The following CHCHD3 variants were observed in gnomAD, a reference collection of about 807,000 sequenced individuals.
CHCHD3 encodes MICOS complex subunit MIC19.
CHCHD3 carries 20 observed loss-of-function variants against 38.2 expected under a neutral mutation model. The ratio of observed to expected loss-of-function variants is 0.52; its 90% CI spans 0.37 to 0.76. The LOEUF (loss-of-function observed/expected upper bound fraction) is 0.76, where lower values mean the gene tolerates loss of function less well. Ranked by LOEUF, CHCHD3 falls within the 30% of genes least tolerant of loss-of-function variation. The pLI is 0.00. For missense variants in CHCHD3, 245 were observed against 279.2 expected (o/e 0.88, Z 0.87); for synonymous variants, 82 against 100.0 (o/e 0.82, Z 1.07).
At chr7:132,799,477 A>C (rs1806726387) in intron 6 of CHCHD3, among the ~76,000 whole-genome samples, 1 of 152,208 alleles carries the variant, frequency 6.6e-6, no homozygotes, top group Admixed American at 6.5e-5. Context: ...AAATAATGAA[A>C]GGCAGACTTT....
Position 132,820,636 on chromosome 7 carries a change from T to TA in CHCHD3, c.524+17762dup, listed in dbSNP as rs1045185665. Reference sequence around the variant, plus strand: ...GTTTTTTTTTTTTTTTTTTTTTTTTTATTGCCCCTAACATCTAGTCTTCTT... The same window carrying TA: ...GTTTTTTTTTTTTTTTTTTTTTTTTTAATTGCCCCTAACATCTAGTCTTCTT... On this transcript the variant is annotated intron_variant, in intron 6 of 7. Transcript: ENST00000262570. Among the ~76,000 whole-genome samples the TA allele has an allele frequency of 2.2e-4, 30 of 135,718 alleles. 2 individuals are homozygous for TA. Among genetic ancestry groups the TA allele is most frequent in the Admixed American group, 5.2e-4 (7 of 13,558 alleles). The allele number at this position is 135,718 out of a possible 152,430, so 89.0% of individuals were successfully genotyped here.
chr7:132,803,906 AG>A (rs1221143253), intron 6 of CHCHD3, among the ~76,000 whole-genome samples: 11 of 149,584 alleles, frequency 7.4e-5, no homozygotes. Context: ...ATGACGAGGG[AG>A]AGAAATGGGG....
chr7:133,066,491 G>C (rs568792958), intron 2 of CHCHD3, among the ~76,000 whole-genome samples: 1 of 151,990 alleles, frequency 6.6e-6, no homozygotes, highest in Non-Finnish European at 1.5e-5. Flanking sequence ...CTGACCTCAG[G>C]TGATCCTCCC....
chr7:132,892,281 G>A (rs542215331), intron 4 of CHCHD3, among the ~76,000 whole-genome samples: 4 of 152,338 alleles, frequency 2.6e-5, no homozygotes, highest in African/African-American at 9.6e-5. Flanking sequence ...TCTCAAGATA[G>A]ATATGAGGAA....
At chr7:132,931,377 T>C (rs1372166494) in intron 4 of CHCHD3, among the ~76,000 whole-genome samples, 10 of 152,350 alleles carry the variant, frequency 6.6e-5, no homozygotes, top group Non-Finnish European at 1.5e-4. Flanking sequence ...GACCCAAACT[T>C]ATCTTTCTAC....
chr7:132,834,840 A>T (rs1807736160), intron 6 of CHCHD3, among the ~76,000 whole-genome samples: 1 of 152,026 alleles, frequency 6.6e-6, no homozygotes, highest in African/African-American at 2.4e-5. Flanking sequence ...GCCTCATTAA[A>T]CTGCTTGACT....
In CHCHD3 at chr7:132,812,152, G is replaced by A. The variant is rs1409764362; in HGVS notation, c.525-15575C>T. Among the ~76,000 whole-genome samples, 3 of 145,208 alleles carry A rather than the reference G, an allele frequency of 2.1e-5. No homozygotes were observed. The East Asian group carries it at 6.2e-4, about 30-fold the overall frequency. ...AATATCCATTCTGTCACGTAGTCTA[G>A]TCTAAATTCTAATAGATCTAGAATT... On this transcript the variant is annotated intron_variant, in intron 6 of 7. Transcript: ENST00000262570.
chr7:133,042,726 A>G (rs1439068947), intron 2 of CHCHD3, among the ~76,000 whole-genome samples: 1 of 152,170 alleles, frequency 6.6e-6, no homozygotes, highest in Non-Finnish European at 1.5e-5. Flanking sequence ...ATAATAACAC[A>G]ATCTTAAGAA....
At chr7:132,964,896 T>A (rs925221023) in intron 4 of CHCHD3, among the ~76,000 whole-genome samples, 4 of 152,200 alleles carry the variant, frequency 2.6e-5, no homozygotes, top group South Asian at 2.1e-4. Context: ...GAAATGGTAG[T>A]GCTAATATTT....
At chr7:132,834,366 G>GA (rs996381262) in intron 6 of CHCHD3, among the ~76,000 whole-genome samples, 8 of 152,008 alleles carry the variant, frequency 5.3e-5, no homozygotes, top group African/African-American at 1.9e-4. Flanking sequence ...GTAGCTGGGA[G>GA]AAAAAACGAT....
chr7:133,042,352 T>G (rs1029992191), intron 2 of CHCHD3, among the ~76,000 whole-genome samples: 3 of 152,208 alleles, frequency 2.0e-5, no homozygotes, highest in South Asian at 2.1e-4. Context: ...CTTTGAATAC[T>G]CACAAAGACA....
chr7:133,016,642 AT>A (rs1204100350), intron 3 of CHCHD3, among the ~76,000 whole-genome samples: 14 of 152,200 alleles, frequency 9.2e-5, no homozygotes, highest in Admixed American at 1.3e-4. Flanking sequence ...TTTACATTTG[AT>A]TTACAACTGT....
intron 3 of CHCHD3, among the ~76,000 whole-genome samples, chr7:132,989,809 CTTCT>C (rs1342287215): frequency 3.3e-5 from 5 of 152,138 alleles, no homozygotes; most frequent in African/African-American, 1.2e-4. Context: ...CCTATGGCCA[CTTCT>C]TTGTCTAACT....
At chr7:132,858,620 G>T (rs1177483994) in intron 5 of CHCHD3, among the ~76,000 whole-genome samples, 4 of 152,056 alleles carry the variant, frequency 2.6e-5, no homozygotes, top group African/African-American at 9.7e-5. Flanking sequence ...GTTATACAAA[G>T]AAAAATAAAT....
chr7:132,967,152 G>A (rs902474215), intron 4 of CHCHD3, among the ~76,000 whole-genome samples: 1 of 152,202 alleles, frequency 6.6e-6, no homozygotes, highest in Admixed American at 6.5e-5. Context: ...TGGTTTGCAA[G>A]TAACTTGATG....
intron 3 of CHCHD3, among the ~76,000 whole-genome samples, chr7:133,002,299 T>C (rs771515852): frequency 2.0e-5 from 3 of 152,204 alleles, no homozygotes; most frequent in Non-Finnish European, 2.9e-5. Context: ...GATATTCTTA[T>C]TAACTTGGCT....
At chr7:132,793,725 A>T (rs538216820) in intron 7 of CHCHD3, among the ~76,000 whole-genome samples, 1 of 152,364 alleles carries the variant, frequency 6.6e-6, no homozygotes, top group South Asian at 2.1e-4. Context: ...GAATTATTCC[A>T]TGGGGGAAAC....
At chr7:132,861,207 T>A (rs1808480919) in intron 5 of CHCHD3, among the ~76,000 whole-genome samples, 1 of 152,122 alleles carries the variant, frequency 6.6e-6, no homozygotes, top group Non-Finnish European at 1.5e-5. Context: ...AGCCACTGAG[T>A]AGGTAATGGT....
At chr7:133,079,775 G>A (rs1489549146) in intron 1 of CHCHD3, among the ~76,000 whole-genome samples, 1 of 152,122 alleles carries the variant, frequency 6.6e-6, no homozygotes, top group Non-Finnish European at 1.5e-5. Context: ...AGGCAATCAG[G>A]TTAAGTAATA....
Sources: allele counts gnomAD v4.1 joint callset (sites outside exome capture counted in the v4.1 genomes callset), GRCh38; gene constraint gnomAD v4.1.1; transcripts MANE v1.5; gene names NCBI Gene and HGNC (gene_info 2026-07-23, HGNC 2026-07-21).